The following TOP6BL variants were observed in gnomAD, a reference collection of about 807,000 sequenced individuals.
TOP6BL encodes type 2 DNA topoisomerase 6 subunit B-like.
chr11:66,794,954 G>A, the TOP6BL span, among the ~76,000 whole-genome samples: 1 of 151,988 alleles, frequency 6.6e-6, no homozygotes, highest in Non-Finnish European at 1.5e-5. Context: ...CCAACATGGC[G>A]AAACCCCGTC....
At chr11:66,760,098 A>T in the TOP6BL span, among the ~76,000 whole-genome samples, 1 of 152,210 alleles carries the variant, frequency 6.6e-6, no homozygotes, top group Non-Finnish European at 1.5e-5. Flanking sequence ...AAACTTTCCC[A>T]GACTAAATCT....
the TOP6BL span, among the ~76,000 whole-genome samples, chr11:66,768,421 A>G: frequency 1.7e-4 from 26 of 152,302 alleles, 1 homozygote; most frequent in East Asian, 3.7e-3. Context: ...GCAGTCAGAC[A>G]TAAGTGTTAT....
chr11:66,835,268 C>A, the TOP6BL span, among the ~76,000 whole-genome samples: 4 of 151,508 alleles, frequency 2.6e-5, no homozygotes, highest in African/African-American at 7.3e-5. Flanking sequence ...AAAAAAAAAA[C>A]CAAGTTCTGT....
the TOP6BL span, chr11:66,788,278 T>G: frequency 1.3e-6 from 2 of 1,554,618 alleles, no homozygotes; most frequent in Admixed American, 3.4e-5. Context: ...AGGCAGGTTT[T>G]GTTGTGGTCT....
At chr11:66,755,252 C>CT in the TOP6BL span, among the ~76,000 whole-genome samples, 6 of 152,008 alleles carry the variant, frequency 3.9e-5, no homozygotes, top group Non-Finnish European at 8.8e-5. Flanking sequence ...TCCTGAGTAG[C>CT]TGGGCCTACA....
the TOP6BL span, among the ~76,000 whole-genome samples, chr11:66,764,539 C>T: frequency 3.3e-5 from 5 of 150,974 alleles, no homozygotes; most frequent in African/African-American, 1.2e-4. Flanking sequence ...GTAGTGGGCA[C>T]CTGTAACCCC....
At chr11:66,799,193 CA>C in the TOP6BL span, among the ~76,000 whole-genome samples, 3,449 of 118,948 alleles carry the variant, frequency 0.029, 153 homozygotes, top group African/African-American at 0.11. Context: ...GGTGACAGAG[CA>C]AGACTCTGTC....
chr11:66,772,220 G>A, the TOP6BL span, among the ~76,000 whole-genome samples: 13 of 152,280 alleles, frequency 8.5e-5, 1 homozygote, highest in African/African-American at 3.1e-4. Flanking sequence ...ACTGTTTCTT[G>A]CTAGTATTTG....
the TOP6BL span, chr11:66,842,877 G>A: frequency 2.5e-6 from 4 of 1,574,806 alleles, no homozygotes; most frequent in Admixed American, 3.7e-5. Context: ...AAAACAAGAG[G>A]CTCAAGAGGG....
chr11:66,805,749 T>C, the TOP6BL span, among the ~76,000 whole-genome samples: 1 of 151,948 alleles, frequency 6.6e-6, no homozygotes, highest in Non-Finnish European at 1.5e-5. Flanking sequence ...GCCACTGTGC[T>C]CGGCCTGGAG....
the TOP6BL span, among the ~76,000 whole-genome samples, chr11:66,747,817 C>T: frequency 4.0e-5 from 6 of 150,972 alleles, no homozygotes; most frequent in African/African-American, 1.5e-4. Context: ...ATAAGGTCTG[C>T]GTATGTTGTC....
the TOP6BL span, among the ~76,000 whole-genome samples, chr11:66,808,395 G>C: frequency 1.3e-5 from 2 of 152,188 alleles, no homozygotes; most frequent in East Asian, 3.9e-4. Context: ...TGCATGTGTG[G>C]TGCATGCCTG....
At chr11:66,789,047 G>A in the TOP6BL span, among the ~76,000 whole-genome samples, 2 of 152,072 alleles carry the variant, frequency 1.3e-5, no homozygotes, top group Non-Finnish European at 2.9e-5. Flanking sequence ...GTCACTTTGG[G>A]GCTTAGAACT....
chr11:66,838,253 C>T, the TOP6BL span: 3 of 792,184 alleles, frequency 3.8e-6, no homozygotes, highest in Non-Finnish European at 6.3e-6. Context: ...GAGGGAGTTC[C>T]AGGTGAGGGC....
At chr11:66,772,664 A>G in the TOP6BL span, among the ~76,000 whole-genome samples, 1 of 151,608 alleles carries the variant, frequency 6.6e-6, no homozygotes, top group Non-Finnish European at 1.5e-5. Context: ...CAGCTACTCC[A>G]AAGGCTAAGG....
chr11:66,747,333 C>T, the TOP6BL span, among the ~76,000 whole-genome samples: 7 of 151,870 alleles, frequency 4.6e-5, no homozygotes, highest in East Asian at 1.3e-3. Context: ...TAGCTAATAT[C>T]TGTTAAGCAT....
chr11:66,752,985 C>G, the TOP6BL span, among the ~76,000 whole-genome samples: 1 of 151,888 alleles, frequency 6.6e-6, no homozygotes, highest in Non-Finnish European at 1.5e-5. Flanking sequence ...AAAAATTAGC[C>G]AGGTGTGGCA....
chr11:66,841,406 G>A, the TOP6BL span, among the ~76,000 whole-genome samples: 146 of 152,208 alleles, frequency 9.6e-4, no homozygotes, highest in African/African-American at 3.2e-3. Flanking sequence ...ATGAGCCACC[G>A]CGCCCGGCCA....
the TOP6BL span, among the ~76,000 whole-genome samples, chr11:66,818,213 T>C: frequency 2.0e-5 from 3 of 152,188 alleles, no homozygotes; most frequent in South Asian, 4.1e-4. Flanking sequence ...GTGTCAATTA[T>C]TTATTGAACA....
Sources: allele counts gnomAD v4.1 joint callset (sites outside exome capture counted in the v4.1 genomes callset), GRCh38; gene constraint gnomAD v4.1.1; transcripts MANE v1.5; gene names NCBI Gene and HGNC (gene_info 2026-07-23, HGNC 2026-07-21).